The following GRID1 variants were observed in gnomAD, a reference collection of about 807,000 sequenced individuals.
GRID1 encodes glutamate receptor ionotropic, delta-1.
A neutral mutation model predicts 98.0 loss-of-function variants in GRID1; 28 were observed. That is an observed-to-expected ratio of 0.29 (90% CI 0.21 to 0.39). The LOEUF is 0.39. Ranked by LOEUF, GRID1 falls within the 10% of genes least tolerant of loss-of-function variation. The probability of loss-of-function intolerance (pLI) is 1.00; values close to 1 mark genes in which losing one functional copy is unlikely to be tolerated. For synonymous variants in GRID1, 553 were observed against 538.5 expected (o/e 1.03, Z -0.37); for missense variants, 1,111 against 1,340.5 (o/e 0.83, Z 2.67).
At chr10:86,085,448 C>CGA (rs1314689661) in intron 4 of GRID1, among the ~76,000 whole-genome samples, 4 of 152,164 alleles carry the variant, frequency 2.6e-5, no homozygotes, top group African/African-American at 4.8e-5. Flanking sequence ...CAGGAAAGGT[C>CGA]GAGAGAGCAC....
intron 8 of GRID1, among the ~76,000 whole-genome samples, chr10:85,779,520 G>A (rs1347105353): frequency 6.6e-6 from 1 of 152,082 alleles, no homozygotes; most frequent in East Asian, 1.9e-4. Context: ...CCCAGGTAAC[G>A]ATAGACTCCT....
intron 8 of GRID1, among the ~76,000 whole-genome samples, chr10:85,811,865 A>G (rs1842674773): frequency 6.6e-6 from 1 of 152,188 alleles, no homozygotes; most frequent in African/African-American, 2.4e-5. Context: ...AAGGACCCCA[A>G]ATAGATTAAA....
At chr10:85,622,916 C>T (rs900570026) in intron 13 of GRID1, among the ~76,000 whole-genome samples, 4 of 152,190 alleles carry the variant, frequency 2.6e-5, no homozygotes, top group African/African-American at 9.7e-5. Context: ...ACTTCAGTGC[C>T]TCCAAGAACT....
chr10:85,606,594 G>A (rs1842668421), intron 15 of GRID1: 4 of 152,220 alleles, frequency 2.6e-5, no homozygotes. Flanking sequence ...GCTGCTGTCT[G>A]TGGGAGCCAG....
chr10:86,362,329 G>C lies in GRID1; in HGVS notation c.235+1612C>G, dbSNP rs184901413. Among the ~76,000 whole-genome samples the C allele has an allele frequency of 1.7e-3, 255 of 152,328 alleles. 3 individuals carry two copies. The South Asian group carries it at 0.019, about 12-fold the overall frequency. On this transcript the variant is annotated intron_variant, in intron 2 of 15. Coordinates refer to ENST00000327946, the MANE Select transcript of GRID1 (RefSeq NM_017551.3). ...AGCCCACCCCAAGCACCTGCAAGGA[G>C]CTGTGATAAGGGCACACTGAAAAGA...
chr10:86,096,844 T>C (rs961351352), intron 4 of GRID1, among the ~76,000 whole-genome samples: 4 of 152,224 alleles, frequency 2.6e-5, no homozygotes, highest in African/African-American at 9.6e-5. Context: ...GCACCCAGTA[T>C]GTGGTACTGT....
chr10:85,985,383 C>T (rs1589324947), intron 4 of GRID1, among the ~76,000 whole-genome samples: 2 of 152,210 alleles, frequency 1.3e-5, no homozygotes, highest in Admixed American at 6.5e-5. Flanking sequence ...TAAGTGGCTG[C>T]CCACCTCGGT....
intron 2 of GRID1, among the ~76,000 whole-genome samples, chr10:86,221,892 C>CCTTCTT (rs1554862625): frequency 2.9e-5 from 2 of 68,510 alleles, no homozygotes; most frequent in East Asian, 1.5e-3. Flanking sequence ...TCCCCCTCCT[C>CCTTCTT]CTCCTTCTCC....
intron 8 of GRID1, among the ~76,000 whole-genome samples, chr10:85,740,228 G>A (rs975058868): frequency 3.9e-5 from 6 of 152,052 alleles, no homozygotes; most frequent in Non-Finnish European, 5.9e-5. Context: ...GGGGACCTTC[G>A]GCAAATTGTG....
intron 4 of GRID1, among the ~76,000 whole-genome samples, chr10:86,059,225 T>C (rs1843617263): frequency 6.6e-6 from 1 of 151,956 alleles, no homozygotes; most frequent in Non-Finnish European, 1.5e-5. Flanking sequence ...GCTGTGTGAG[T>C]GGATATCAAG....
At chr10:86,321,889 A>T (rs1847975931) in intron 2 of GRID1, among the ~76,000 whole-genome samples, 1 of 152,034 alleles carries the variant, frequency 6.6e-6, no homozygotes, top group Non-Finnish European at 1.5e-5. Context: ...GACAACAGAA[A>T]CCTTCAAACA....
chr10:85,973,106 T>C (rs1226175294), intron 4 of GRID1, among the ~76,000 whole-genome samples: 3 of 152,216 alleles, frequency 2.0e-5, no homozygotes, highest in African/African-American at 7.2e-5. Flanking sequence ...TTCATTCCGA[T>C]GTCACTTGTT....
rs146914938 is a variant in GRID1, at chr10:86,117,988, A to G, written c.726+20831T>C. Among the ~76,000 whole-genome samples, 458 of 152,366 alleles carry G rather than the reference A, an allele frequency of 3.0e-3. 2 individuals are homozygous for G. Among genetic ancestry groups the G allele is most frequent in the African/African-American group, 0.011 (441 of 41,580 alleles). On this transcript the variant is annotated intron_variant, in intron 4 of 15. Coordinates refer to ENST00000327946, the MANE Select transcript of GRID1 (RefSeq NM_017551.3). ...AAAGGAAAAGAAGTCATTATACAAA[A>G]AAGATACTTGCACACGCATGTTTAT...
At chr10:85,726,767 G>A (rs1024844436) in intron 10 of GRID1, among the ~76,000 whole-genome samples, 4 of 152,146 alleles carry the variant, frequency 2.6e-5, no homozygotes, top group African/African-American at 9.7e-5. Context: ...CTGGGGGTGG[G>A]AATGGCATTA....
At chr10:86,140,005 C>T (rs1032052863) in intron 3 of GRID1, among the ~76,000 whole-genome samples, 2 of 152,208 alleles carry the variant, frequency 1.3e-5, no homozygotes, top group Admixed American at 6.5e-5. Flanking sequence ...GAGTGAGACA[C>T]GGTCCTGACA....
chr10:85,656,180 A>G (rs576662324), intron 12 of GRID1, among the ~76,000 whole-genome samples: 108 of 152,234 alleles, frequency 7.1e-4, no homozygotes, highest in Middle Eastern at 3.4e-3. Flanking sequence ...TCCCAAATAC[A>G]GTGGCCAATT....
At chr10:85,873,155 CCAGGCTGCATTTCCTGGCTGCACACAT>C (rs1302917412) in intron 5 of GRID1, among the ~76,000 whole-genome samples, 3 of 152,172 alleles carry the variant, frequency 2.0e-5, no homozygotes, top group Admixed American at 2.0e-4. Context: ...GCTGCACACA[CCAGGCTGCATTTCCTGGCTGCACACAT>C]CAGGTCAGTC....
At chr10:86,230,097 C>T (rs1023448543) in intron 2 of GRID1, among the ~76,000 whole-genome samples, 1 of 152,216 alleles carries the variant, frequency 6.6e-6, no homozygotes, top group Non-Finnish European at 1.5e-5. Flanking sequence ...TCCTCCCGGC[C>T]TTAGCCCTCC....
chr10:86,143,957 C>T (rs1372102854), intron 3 of GRID1, among the ~76,000 whole-genome samples: 1 of 152,142 alleles, frequency 6.6e-6, no homozygotes, highest in Non-Finnish European at 1.5e-5. Context: ...CTCTCAGGGG[C>T]CCCATCACCA....
Sources: allele counts gnomAD v4.1 joint callset (sites outside exome capture counted in the v4.1 genomes callset), GRCh38; gene constraint gnomAD v4.1.1; transcripts MANE v1.5; gene names NCBI Gene and HGNC (gene_info 2026-07-23, HGNC 2026-07-21).